NECTIN3: variants seen among roughly 807,000 people sequenced by gnomAD.
NECTIN3 encodes the protein nectin cell adhesion molecule 3, also known as nectin-3.
NECTIN3 carries 8 observed loss-of-function variants against 49.4 expected under a neutral mutation model. That is an observed-to-expected ratio of 0.16 (90% CI 0.10 to 0.29). NECTIN3 has a LOEUF of 0.29. NECTIN3 is among the 10% of genes least tolerant of loss of function. The probability of loss-of-function intolerance (pLI) is 1.00; values close to 1 mark genes in which losing one functional copy is unlikely to be tolerated. For synonymous variants in NECTIN3, 277 were observed against 241.1 expected, an observed-to-expected ratio of 1.15 and a Z score of -1.38; for missense variants, 581 against 654.6, an observed-to-expected ratio of 0.89 and a Z score of 1.23.
intron 1 of NECTIN3, among the ~76,000 whole-genome samples, chr3:111,110,145 A>G (rs1427745641): frequency 6.6e-6 from 1 of 151,974 alleles, no homozygotes; most frequent in Non-Finnish European, 1.5e-5. Context: ...GATTTTTCAA[A>G]TAATAATTAT....
chr3:111,145,386 A>T (rs894852367), intron 6 of NECTIN3, among the ~76,000 whole-genome samples: 2 of 152,206 alleles, frequency 1.3e-5, no homozygotes, highest in African/African-American at 4.8e-5. Flanking sequence ...ATATCTTTGA[A>T]GTTTTAATGG....
At chr3:111,140,506 T>C (rs980979840), downstream of NECTIN3, among the ~76,000 whole-genome samples, 1 of 109,368 alleles carries the variant, frequency 9.1e-6, no homozygotes, top group Non-Finnish European at 1.6e-5. Context: ...TTATGTGGGG[T>C]TTTTTTGCCA....
chr3:111,191,068 T>TGATA (rs1191587706), upstream of NECTIN3, among the ~76,000 whole-genome samples: 1 of 152,208 alleles, frequency 6.6e-6, no homozygotes, highest in Non-Finnish European at 1.5e-5. Flanking sequence ...CAGAGCTTGT[T>TGATA]GATAGATAAT....
At chr3:111,105,342 A>T (rs2033131975) in intron 1 of NECTIN3, among the ~76,000 whole-genome samples, 1 of 151,968 alleles carries the variant, frequency 6.6e-6, no homozygotes, top group Non-Finnish European at 1.5e-5. Flanking sequence ...CATATTGCCC[A>T]GGCTGGTCTT....
In NECTIN3 at chr3:111,136,672, C is replaced by A. The variant is rs375299116; in HGVS notation, c.*2457C>A. ...CAGGTATATATGAAAATTCTACTAT[C>A]GTGAAAAAAAATGAATATTTGTACT... is the stretch of plus-strand genomic sequence containing the variant. On this transcript the variant is annotated 3_prime_UTR_variant, in exon 6 of 6. Transcript: ENST00000485303. The A allele has an allele frequency of 2.2e-6, 2 of 909,202 alleles. No individual in the cohort carries two copies. Among genetic ancestry groups the A allele is most frequent in the African/African-American group, 1.8e-5 (1 of 55,188 alleles). The allele number at this position is 909,202 out of a possible 1,614,324, so 56.3% of individuals were successfully genotyped here. A position where few individuals can be genotyped will look rare whatever the true frequency, so the allele number is the denominator to read the frequency against.
At chr3:111,122,454 G>A (rs1487777434) in intron 4 of NECTIN3, among the ~76,000 whole-genome samples, 5 of 151,828 alleles carry the variant, frequency 3.3e-5, no homozygotes, top group Non-Finnish European at 5.9e-5. Context: ...AGTTTCTTAC[G>A]GTTAGTTACA....
intron 1 of NECTIN3, among the ~76,000 whole-genome samples, chr3:111,082,857 C>G (rs1576072223): frequency 6.6e-6 from 1 of 152,168 alleles, no homozygotes; most frequent in Non-Finnish European, 1.5e-5. Context: ...ACAGTCCCGT[C>G]TGGGGGTGAT....
rs1559803350 is a variant in NECTIN3, at chr3:111,137,134, A to G, written c.*2919A>G. On this transcript the variant is annotated 3_prime_UTR_variant, in exon 6 of 6. Transcript: ENST00000485303. ...AAATTGAGAGAAATGTAGTCATTTTATATGTGAAAACATCTGATTTGAGTT... is the reference window on the plus strand; with the variant it reads ...AAATTGAGAGAAATGTAGTCATTTTGTATGTGAAAACATCTGATTTGAGTT... The G allele has an allele frequency of 1.0e-6, 1 of 971,080 alleles. No homozygotes were observed. Among genetic ancestry groups the G allele is most frequent in the Admixed American group, 6.2e-5 (1 of 16,162 alleles). The allele number at this position is 971,080 out of a possible 1,614,324, so 60.2% of individuals were successfully genotyped here. A position where few individuals can be genotyped will look rare whatever the true frequency, so the allele number is the denominator to read the frequency against.
chr3:111,190,712 C>T (rs941437906), upstream of NECTIN3, among the ~76,000 whole-genome samples: 5 of 152,184 alleles, frequency 3.3e-5, no homozygotes, highest in African/African-American at 1.2e-4. Context: ...AAGGCCCCAC[C>T]TTTTAGTACT....
At chr3:111,193,889 G>GA in intron 1 of NECTIN3, among the ~76,000 whole-genome samples, 1 of 152,200 alleles carries the variant, frequency 6.6e-6, no homozygotes, top group Admixed American at 6.5e-5. Flanking sequence ...GAGGCCTGAG[G>GA]AAAGAGGCAA....
downstream of NECTIN3, among the ~76,000 whole-genome samples, chr3:111,138,854 G>A (rs976871401): frequency 6.6e-6 from 1 of 151,584 alleles, no homozygotes; most frequent in Admixed American, 6.6e-5. Context: ...TGATATGCAA[G>A]TTGTACAGTC....
In NECTIN3 at chr3:111,071,842, C is replaced by A; in HGVS notation, c.-176C>A. 2.5e-6 allele frequency: 1 copy of A among 395,304 alleles called. No homozygotes were observed. Among genetic ancestry groups the A allele is most frequent in the Non-Finnish European group, 4.3e-6 (1 of 231,032 alleles). The allele number at this position is 395,304 out of a possible 1,614,324, so 24.5% of individuals were successfully genotyped here. On this transcript the variant is annotated 5_prime_UTR_variant, in exon 1 of 6. Coordinates refer to ENST00000485303, the MANE Select transcript of NECTIN3 (RefSeq NM_015480.3). The stretch of plus-strand genomic sequence containing the variant: ...GCCTCGGCAGTGGCGTCGGCGACGG[C>A]GGTGTCGAGGCAGCCGCCAGCGTTC...
intron 7 of NECTIN3, among the ~76,000 whole-genome samples, chr3:111,149,992 A>G (rs1462931527): frequency 1.3e-5 from 2 of 152,054 alleles, no homozygotes; most frequent in African/African-American, 4.8e-5. Context: ...ACCAATTAAA[A>G]TGATCTAGGG....
At chr3:111,187,662 C>T (rs541903378), upstream of NECTIN3, among the ~76,000 whole-genome samples, 9 of 152,098 alleles carry the variant, frequency 5.9e-5, no homozygotes, top group East Asian at 5.8e-4. Context: ...CATGGGGTAA[C>T]GTTAAATGCA....
chr3:111,076,903 G>C (rs186943626), intron 1 of NECTIN3, among the ~76,000 whole-genome samples: 25 of 151,698 alleles, frequency 1.6e-4, no homozygotes, highest in Admixed American at 1.3e-3. Flanking sequence ...TGAACCCCAG[G>C]GGGAGGAGGC....
intron 1 of NECTIN3, among the ~76,000 whole-genome samples, chr3:111,093,258 T>C (rs1005142885): frequency 6.6e-6 from 1 of 152,070 alleles, no homozygotes; most frequent in Non-Finnish European, 1.5e-5. Context: ...GAGAAATACT[T>C]AAAGGAATTC....
chr3:111,187,886 A>C (rs1219084850), upstream of NECTIN3, among the ~76,000 whole-genome samples: 1 of 152,198 alleles, frequency 6.6e-6, no homozygotes, highest in Non-Finnish European at 1.5e-5. Context: ...TCCATTTGTT[A>C]AAATCCGTTT....
At chr3:111,159,641 A>C (rs1357548534) in intron 7 of NECTIN3, among the ~76,000 whole-genome samples, 2 of 152,200 alleles carry the variant, frequency 1.3e-5, no homozygotes, top group Non-Finnish European at 2.9e-5. Flanking sequence ...TCAGTCTTCT[A>C]CTCAAGGCGA....
chr3:111,096,199 T>C lies in NECTIN3; in HGVS notation c.161-15831T>C, dbSNP rs557813562. ...TGTTGGAAACTGGAGCAAAGGTGAC[T>C]CTTGTCATGTTTCTGCAAAGAGTCT... is the stretch of plus-strand genomic sequence containing the variant. On this transcript the variant is annotated intron_variant, in intron 1 of 5. Transcript: ENST00000485303. 5.9e-5 allele frequency among the ~76,000 whole-genome samples: 9 copies of C among 152,322 alleles called. No homozygotes were observed. The South Asian group carries it at 1.0e-3, about 18-fold the overall frequency.
Sources: allele counts gnomAD v4.1 joint callset (sites outside exome capture counted in the v4.1 genomes callset), GRCh38; gene constraint gnomAD v4.1.1; transcripts MANE v1.5; gene names NCBI Gene and HGNC (gene_info 2026-07-23, HGNC 2026-07-21).